The following SLCO1C1 variants were observed in gnomAD, a reference collection of about 807,000 sequenced individuals.
SLCO1C1 encodes the protein solute carrier organic anion transporter family member 1C1.
A neutral mutation model predicts 76.4 loss-of-function variants in SLCO1C1; 70 were observed. The ratio of observed to expected loss-of-function variants is 0.92; its 90% CI spans 0.76 to 1.12. The LOEUF (loss-of-function observed/expected upper bound fraction) is 1.12. Among genes scored for constraint, SLCO1C1 ranks in the 50% most tolerant of loss-of-function variants. SLCO1C1 has a pLI of 0.00. For synonymous variants in SLCO1C1, 306 were observed against 286.1 expected (o/e 1.07, Z -0.70); for missense variants, 912 against 823.8 (o/e 1.11, Z -1.31).
Position 20,703,417 on chromosome 12 carries a change from G to A in SLCO1C1, c.271+1958G>A, listed in dbSNP as rs1319830736. ...CAACTCTTAGATTTTTGTTGTTGTTGTTGATATTACCTTATTACATTAGCC... is the reference window on the plus strand; with the variant it reads ...CAACTCTTAGATTTTTGTTGTTGTTATTGATATTACCTTATTACATTAGCC... On this transcript the variant is annotated intron_variant, in intron 3 of 14. Coordinates refer to ENST00000266509, the MANE Select transcript of SLCO1C1 (RefSeq NM_017435.5). Among the ~76,000 whole-genome samples, 8 of 83,206 alleles carry A rather than the reference G, an allele frequency of 9.6e-5. No individual in the cohort carries two copies. In the East Asian group the frequency reaches 3.4e-3, roughly 36 times the overall value. The allele number at this position is 83,206 out of a possible 152,430, so 54.6% of individuals were successfully genotyped here.
Position 20,752,933 on chromosome 12 carries a change from T to A in SLCO1C1, c.*405T>A, listed in dbSNP as rs532419567. ...CTAACAATTAACTCATACCTTGGGTTCCTTCAAGTATTACTCCTATAGTAT... is the reference window on the plus strand; with the variant it reads ...CTAACAATTAACTCATACCTTGGGTACCTTCAAGTATTACTCCTATAGTAT... On this transcript the variant is annotated 3_prime_UTR_variant, in exon 15 of 15. Coordinates refer to ENST00000266509, the MANE Select transcript of SLCO1C1 (RefSeq NM_017435.5). 33 of 153,060 alleles carry A rather than the reference T, an allele frequency of 2.2e-4. No homozygotes were observed. The highest frequency in any genetic ancestry group is 1.4e-3 in the South Asian group (7 of 4,854). 9.5% of individuals were successfully genotyped at this position (153,060 alleles called of 1,614,324 possible). A position where few individuals can be genotyped will look rare whatever the true frequency, so the allele number is the denominator to read the frequency against.
chr12:20,733,878 G>A (rs1163901974), intron 10 of SLCO1C1, among the ~76,000 whole-genome samples: 3 of 152,118 alleles, frequency 2.0e-5, no homozygotes, highest in African/African-American at 4.8e-5. Context: ...CTTGCCCATT[G>A]AGAGTCTTTC....
At chr12:20,740,104 G>A in intron 11 of SLCO1C1, 80 bp from the exon 12 acceptor site, 1 of 1,356,762 alleles carries the variant, frequency 7.4e-7, no homozygotes, top group Non-Finnish European at 1.0e-6. Flanking sequence ...CATGGCTACG[G>A]TAAACATTTT....
intron 7 of SLCO1C1, among the ~76,000 whole-genome samples, chr12:20,717,645 C>CTTTTT (rs1947432372): frequency 2.3e-5 from 2 of 87,518 alleles, no homozygotes; most frequent in Non-Finnish European, 2.2e-5. Flanking sequence ...CCAAACAGCC[C>CTTTTT]TTCTTTTTTT....
In SLCO1C1 at chr12:20,718,582, C is replaced by T. The variant is rs926870451; in HGVS notation, c.775+1352C>T. 2.6e-5 allele frequency among the ~76,000 whole-genome samples: 4 copies of T among 152,194 alleles called. 1 individual carries two copies. The South Asian group carries it at 6.2e-4, about 24-fold the overall frequency. ...ATATTCTGCTGATTTGAATGAGTCT[C>T]GAATTTAGTATCATAATGAGAGGTT... On this transcript the variant is annotated intron_variant, in intron 7 of 14. Transcript: ENST00000266509.
intron 3 of SLCO1C1, 93 bp downstream of exon 3, chr12:20,701,552 T>C (rs930262187): frequency 1.1e-5 from 10 of 918,846 alleles, no homozygotes; most frequent in Non-Finnish European, 1.3e-5. Flanking sequence ...TCTGCTGGGA[T>C]CAGACTCTAT....
chr12:20,715,446 TG>T (rs1227104989), intron 6 of SLCO1C1, among the ~76,000 whole-genome samples, 161 bp downstream of exon 6: 7 of 152,194 alleles, frequency 4.6e-5, no homozygotes, highest in African/African-American at 1.7e-4. Flanking sequence ...CAGATTTGGA[TG>T]ATGAAGACAC....
intron 9 of SLCO1C1, among the ~76,000 whole-genome samples, chr12:20,729,717 T>C (rs1336826295): frequency 6.6e-6 from 1 of 151,364 alleles, no homozygotes; most frequent in Non-Finnish European, 1.5e-5. Flanking sequence ...CCAGGAAGAA[T>C]TCTCAAGCAG....
chr12:20,740,616 C>T (rs757508980), intron 12 of SLCO1C1, among the ~76,000 whole-genome samples: 6 of 151,422 alleles, frequency 4.0e-5, no homozygotes, highest in Non-Finnish European at 8.8e-5. Flanking sequence ...GTTTCTACAT[C>T]ACTAGAGTTG....
intron 11 of SLCO1C1, 60 bp downstream of exon 11, chr12:20,737,332 T>C (rs1314612984): frequency 1.3e-6 from 2 of 1,489,636 alleles, no homozygotes; most frequent in African/African-American, 2.9e-5. Context: ...ACAACAAAAC[T>C]CTATGGGGGC....
intron 9 of SLCO1C1, among the ~76,000 whole-genome samples, chr12:20,728,710 C>G (rs1280838691): frequency 6.6e-6 from 1 of 151,876 alleles, no homozygotes; most frequent in Non-Finnish European, 1.5e-5. Context: ...TATTTCAACC[C>G]AAGGCATCGG....
intron 2 of SLCO1C1, 149 bp downstream of exon 2, chr12:20,699,854 G>A (rs529883471): frequency 1.1e-6 from 1 of 887,166 alleles, no homozygotes; most frequent in African/African-American, 1.8e-5. Context: ...ACCTTGCCAG[G>A]CGGTGCAAGC....
intron 3 of SLCO1C1, among the ~76,000 whole-genome samples, chr12:20,702,542 TA>T (rs1475923364): frequency 1.3e-5 from 2 of 151,942 alleles, no homozygotes; most frequent in African/African-American, 2.4e-5. Flanking sequence ...AATAAGCTCC[TA>T]AATGATACTG....
At chr12:20,716,015 G>A (rs932343009) in intron 6 of SLCO1C1, among the ~76,000 whole-genome samples, 1 of 152,116 alleles carries the variant, frequency 6.6e-6, no homozygotes, top group African/African-American at 2.4e-5. Flanking sequence ...TTCCTATGGT[G>A]TTGACATACA....
At chr12:20,707,207 T>C (rs1946823345) in intron 4 of SLCO1C1, among the ~76,000 whole-genome samples, 1 of 152,100 alleles carries the variant, frequency 6.6e-6, no homozygotes, top group African/African-American at 2.4e-5. Context: ...ACAACATCCT[T>C]TCATAGGTCA....
intron 3 of SLCO1C1, among the ~76,000 whole-genome samples, chr12:20,703,122 C>G (rs1479489215): frequency 1.3e-5 from 2 of 151,860 alleles, no homozygotes; most frequent in African/African-American, 4.8e-5. Context: ...AAACCTTTAT[C>G]CCAAACATCA....
chr12:20,720,997 CAAAAAA>C (rs35297084), intron 7 of SLCO1C1, among the ~76,000 whole-genome samples: 1 of 44,018 alleles, frequency 2.3e-5, no homozygotes, highest in Admixed American at 2.7e-4. Context: ...AACTCCATCT[CAAAAAA>C]AAAAAAAAAA....
intron 7 of SLCO1C1, among the ~76,000 whole-genome samples, chr12:20,719,967 A>T (rs1947576296): frequency 6.6e-6 from 1 of 152,228 alleles, no homozygotes; most frequent in Non-Finnish European, 1.5e-5. Flanking sequence ...GGAGAAGTCA[A>T]TCCTGACTTT....
intron 2 of SLCO1C1, 42 bp from the exon 3 acceptor site, chr12:20,701,274 GTC>G: frequency 7.0e-7 from 1 of 1,418,642 alleles, no homozygotes; most frequent in Non-Finnish European, 9.3e-7. Context: ...CCAATTGTGT[GTC>G]AAGCTGGAGT....
Sources: allele counts gnomAD v4.1 joint callset (sites outside exome capture counted in the v4.1 genomes callset), GRCh38; gene constraint gnomAD v4.1.1; transcripts MANE v1.5; gene names NCBI Gene and HGNC (gene_info 2026-07-23, HGNC 2026-07-21).